The following RYK variants were observed in gnomAD, a reference collection of about 807,000 sequenced individuals.
RYK encodes inactive tyrosine-protein kinase RYK.
In RYK, 21 loss-of-function variants were observed where a neutral mutation model predicts 70.2. That is an observed-to-expected ratio of 0.30 (90% CI 0.21 to 0.43). The LOEUF is 0.43. Among genes scored for constraint, RYK ranks in the 20% least tolerant of loss-of-function variants. The probability of loss-of-function intolerance (pLI) is 1.00; values close to 1 mark genes in which losing one functional copy is unlikely to be tolerated. For missense variants in RYK, 604 were observed against 753.3 expected, an observed-to-expected ratio of 0.80 and a Z score of 2.32; for synonymous variants, 267 against 278.0, an observed-to-expected ratio of 0.96 and a Z score of 0.39.
rs997102602 is a variant in RYK at position 134,209,763 on chromosome 3, T to A, written c.521A>T (p.Asn174Ile). 1 of 1,511,964 alleles carries A rather than the reference T, an allele frequency of 6.6e-7. No individual in the cohort carries two copies. Among genetic ancestry groups the A allele is most frequent in the Non-Finnish European group, 8.9e-7 (1 of 1,129,242 alleles). 93.7% of individuals were successfully genotyped at this position (1,511,964 alleles called of 1,614,324 possible). A position where few individuals can be genotyped will look rare whatever the true frequency, so the allele number is the denominator to read the frequency against. The change falls in exon 4 of 15, where the codon AAC (asparagine) becomes ATC (isoleucine). Residue 174 changes from asparagine to isoleucine, a missense_variant. By Grantham distance (149) the Asn-to-Ile change is moderately radical. Around this residue, in one of 2 missense-constraint regions of RYK, gnomAD observed 466 missense variants for 535.9 expected, o/e 0.87. Transcript: ENST00000623711. ...DSEVMILMQL[N>I]LTVNSSKNFT... The stretch of plus-strand genomic sequence containing the variant: ...ATTTTTTGAAGAATTTACTGTCAAG[T>A]TGAGCTGCATTAGTATCATAACTTC...
intron 13 of RYK, among the ~76,000 whole-genome samples, chr3:134,160,411 A>T (rs9843401): frequency 1.3e-5 from 2 of 152,148 alleles, no homozygotes; most frequent in South Asian, 4.1e-4. Context: ...TAAAATCTAA[A>T]CATGTTGCAT....
intron 6 of RYK, among the ~76,000 whole-genome samples, chr3:134,199,053 G>A (rs981812316): frequency 1.3e-5 from 2 of 152,204 alleles, no homozygotes; most frequent in African/African-American, 2.4e-5. Context: ...CCCCTCTGCA[G>A]GACTTCAGGG....
intron 1 of RYK, among the ~76,000 whole-genome samples, chr3:134,235,483 TAAAC>T (rs1303768824): frequency 6.6e-6 from 1 of 152,146 alleles, no homozygotes; most frequent in Non-Finnish European, 1.5e-5. Context: ...AAAAGAATTT[TAAAC>T]AAATTTACTT....
intron 1 of RYK, among the ~76,000 whole-genome samples, chr3:134,249,811 TA>T (rs1345614058): frequency 6.6e-6 from 1 of 151,124 alleles, no homozygotes. Flanking sequence ...ATTCATTCAC[TA>T]AAAATATGCT....
At chr3:134,243,964 G>A (rs543565018) in intron 1 of RYK, among the ~76,000 whole-genome samples, 1 of 152,236 alleles carries the variant, frequency 6.6e-6, no homozygotes, top group South Asian at 2.1e-4. Flanking sequence ...TATGGTACTT[G>A]GTTTAGCTTC....
At chr3:134,230,227 TG>T (rs1429634508) in intron 1 of RYK, among the ~76,000 whole-genome samples, 1 of 152,150 alleles carries the variant, frequency 6.6e-6, no homozygotes, top group African/African-American at 2.4e-5. Context: ...GCTGGGATTA[TG>T]GGCACCTGCC....
At chr3:134,172,054 T>C (rs2012931130) in intron 13 of RYK, among the ~76,000 whole-genome samples, 1 of 152,188 alleles carries the variant, frequency 6.6e-6, no homozygotes, top group Admixed American at 6.5e-5. Flanking sequence ...TTATCTTCCA[T>C]TTTCTGCCCA....
intron 6 of RYK, among the ~76,000 whole-genome samples, chr3:134,198,998 C>T (rs1440722810): frequency 6.6e-6 from 1 of 152,176 alleles, no homozygotes; most frequent in Non-Finnish European, 1.5e-5. Context: ...CCCACAGTCA[C>T]AAACTAACAG....
intron 13 of RYK, among the ~76,000 whole-genome samples, chr3:134,161,337 G>C (rs1192083778): frequency 6.6e-6 from 1 of 152,114 alleles, no homozygotes; most frequent in African/African-American, 2.4e-5. Context: ...TGATATTGTG[G>C]GCTGGAGGAT....
chr3:134,166,291 T>C (rs1227351292), intron 13 of RYK, among the ~76,000 whole-genome samples: 2 of 152,038 alleles, frequency 1.3e-5, no homozygotes, highest in Admixed American at 6.6e-5. Context: ...GAAGAGAGGA[T>C]GGATATTTAT....
At chr3:134,195,026 G>A in intron 7 of RYK, 56 bp downstream of exon 7, 1 of 1,223,718 alleles carries the variant, frequency 8.2e-7, no homozygotes, top group East Asian at 2.3e-5. Flanking sequence ...CAAGACCACT[G>A]GGAAGCAGCA....
chr3:134,186,040 T>G (rs1359209702), intron 9 of RYK, among the ~76,000 whole-genome samples: 2 of 152,214 alleles, frequency 1.3e-5, no homozygotes, highest in African/African-American at 4.8e-5. Flanking sequence ...AAAAGGGTAC[T>G]ATTAAATATA....
intron 10 of RYK, chr3:134,178,779 T>C (rs2013195987): frequency 6.6e-6 from 1 of 152,220 alleles, no homozygotes; most frequent in African/African-American, 2.4e-5. Context: ...CATTTCATCC[T>C]ACTGTCTAAT....
intron 1 of RYK, among the ~76,000 whole-genome samples, chr3:134,223,677 G>A (rs1253039175): frequency 6.6e-6 from 1 of 152,032 alleles, no homozygotes; most frequent in Non-Finnish European, 1.5e-5. Flanking sequence ...CTAAGAGCAG[G>A]GAGTAACTTT....
In RYK at chr3:134,222,455, G is replaced by C; in HGVS notation, c.317C>G (p.Thr106Arg). ...LSFSLLVPSE[T>R]NFLHFTWHAK... ...ATGCCAGGTGAAGTGCAGGAAATTT[G>C]TCTCACTGGGTACTAACAGACTAAA... is the stretch of plus-strand genomic sequence containing the variant. The change falls in exon 2 of 15, where the codon ACA (threonine) becomes AGA (arginine). Residue 106 changes from threonine to arginine, a missense_variant. This residue lies in a region of RYK where 466 missense variants were observed against 535.9 expected (regional missense o/e 0.87). Coordinates refer to ENST00000623711, the MANE Select transcript of RYK (RefSeq NM_002958.4). 4 of 1,613,374 alleles carry C rather than the reference G, an allele frequency of 2.5e-6. No homozygotes were observed. The highest frequency in any genetic ancestry group is 3.4e-6 in the Non-Finnish European group (4 of 1,179,686).
At chr3:134,207,638 G>A (rs980341447) in intron 4 of RYK, 113 bp from the exon 5 acceptor site, 3 of 640,926 alleles carry the variant, frequency 4.7e-6, no homozygotes, top group Non-Finnish European at 7.9e-6. Context: ...TGTGTTGCGA[G>A]ATAATGAAAG....
chr3:134,177,407 T>C (rs1335296908), intron 11 of RYK, among the ~76,000 whole-genome samples: 1 of 152,210 alleles, frequency 6.6e-6, no homozygotes, highest in South Asian at 2.1e-4. Context: ...TAGGCTTTAC[T>C]ACCACTACCA....
At chr3:134,235,903 T>C (rs545558611) in intron 1 of RYK, among the ~76,000 whole-genome samples, 17 of 152,182 alleles carry the variant, frequency 1.1e-4, no homozygotes, top group South Asian at 1.0e-3. Flanking sequence ...CTGGTTCCAA[T>C]AGAAGGGAGT....
intron 13 of RYK, among the ~76,000 whole-genome samples, chr3:134,169,663 A>G (rs2012824875): frequency 6.6e-6 from 1 of 152,212 alleles, no homozygotes; most frequent in Non-Finnish European, 1.5e-5. Context: ...GCAATGTATT[A>G]TTTTCATGAT....
Sources: allele counts gnomAD v4.1 joint callset (sites outside exome capture counted in the v4.1 genomes callset), GRCh38; gene constraint gnomAD v4.1.1; regional missense constraint gnomAD v4.1.1; transcripts MANE v1.5; gene names NCBI Gene and HGNC (gene_info 2026-07-23, HGNC 2026-07-21).